Variants in NLRP5 observed in about 807,000 individuals in gnomAD.
The protein encoded by NLRP5 is NACHT, LRR and PYD domains-containing protein 5.
Under a neutral mutation model 113.1 loss-of-function variants are expected in NLRP5, and 93 were observed. The ratio of observed to expected loss-of-function variants is 0.82; its 90% CI spans 0.70 to 0.98. The LOEUF (loss-of-function observed/expected upper bound fraction) is 0.98. Ranked by LOEUF, NLRP5 falls within the 50% of genes least tolerant of loss-of-function variation. The probability of loss-of-function intolerance (pLI) is 0.00; values close to 1 mark genes in which losing one functional copy is unlikely to be tolerated. For missense variants in NLRP5, 1,808 were observed against 1,514.3 expected, an observed-to-expected ratio of 1.19 and a Z score of -3.22; for synonymous variants, 751 against 600.7, an observed-to-expected ratio of 1.25 and a Z score of -3.66.
chr19:56,052,357 C>T (rs1385898514), intron 12 of NLRP5, among the ~76,000 whole-genome samples: 1 of 152,144 alleles, frequency 6.6e-6, no homozygotes, highest in Non-Finnish European at 1.5e-5. Context: ...CAACCTCCAC[C>T]TCCTGGGTTC....
At chr19:56,043,542 C>CCTTTTTTTTT (rs1983599289) in intron 11 of NLRP5, among the ~76,000 whole-genome samples, 2 of 92,920 alleles carry the variant, frequency 2.2e-5, no homozygotes, top group East Asian at 4.8e-4. Context: ...CTCTGCTATT[C>CCTTTTTTTTT]TTTTTTTTTT....
At chr19:56,008,335 C>G (rs1250524809) in intron 2 of NLRP5, among the ~76,000 whole-genome samples, 1 of 152,002 alleles carries the variant, frequency 6.6e-6, no homozygotes, top group Non-Finnish European at 1.5e-5. Context: ...CATGGCCTCA[C>G]CCCATGGAAG....
At chr19:56,041,541 C>T (rs1364073659) in intron 11 of NLRP5, among the ~76,000 whole-genome samples, 1 of 152,210 alleles carries the variant, frequency 6.6e-6, no homozygotes, top group Non-Finnish European at 1.5e-5. Context: ...ACCAACGGCA[C>T]CGTGACTCGT....
Position 56,061,375 on chromosome 19 carries a change from G to A in NLRP5, c.3471-21G>A. On this transcript the variant is annotated intron_variant, in intron 14 of 14. Coordinates refer to ENST00000390649, the MANE Select transcript of NLRP5 (RefSeq NM_153447.4). ...GTCGAAAGCAACATCTCAGTAACGAGTCCTCTCTCTGCCTCCCCAGGCTGT... is the reference window on the plus strand; with the variant it reads ...GTCGAAAGCAACATCTCAGTAACGAATCCTCTCTCTGCCTCCCCAGGCTGT... 1.9e-6 allele frequency: 3 copies of A among 1,611,646 alleles called. No homozygotes were observed. The African/African-American group carries it at 4.0e-5, about 21-fold the overall frequency.
rs1229525051 is a variant in NLRP5 at position 56,030,713 on chromosome 19, TC to T, written c.2277-1897del. The stretch of plus-strand genomic sequence containing the variant: ...TACTTACATTCATTCGCTTTCTTCT[TC>T]TTTTTTTTTTTTTTTTTTGAGACGG... On this transcript the variant is annotated intron_variant, in intron 7 of 14. Coordinates refer to ENST00000390649, the MANE Select transcript of NLRP5 (RefSeq NM_153447.4). Among the ~76,000 whole-genome samples the T allele has an allele frequency of 3.0e-4, 25 of 82,810 alleles. 1 individual carries two copies. The East Asian group carries it at 5.5e-3, about 18-fold the overall frequency. 54.3% of individuals were successfully genotyped at this position (82,810 alleles called of 152,430 possible).
rs987245461 is a variant in NLRP5 at position 56,029,359 on chromosome 19, C to T, written c.2276+850C>T. 7.9e-5 allele frequency among the ~76,000 whole-genome samples: 12 copies of T among 152,092 alleles called. No individual in the cohort carries two copies. The East Asian group carries it at 1.5e-3, about 20-fold the overall frequency. On this transcript the variant is annotated intron_variant, in intron 7 of 14. Coordinates refer to ENST00000390649, the MANE Select transcript of NLRP5 (RefSeq NM_153447.4). The stretch of plus-strand genomic sequence containing the variant: ...TTTGCTCACTGCAATCTCTGCCTCC[C>T]GGGTTCAAGCGATTCTCCTGACTCA...
intron 11 of NLRP5, 114 bp from the exon 12 acceptor site, chr19:56,050,304 A>G (rs1392269425): frequency 6.2e-6 from 6 of 960,672 alleles, no homozygotes; most frequent in Non-Finnish European, 7.6e-6. Context: ...AAAAACAAAT[A>G]TGACCCCACC....
chr19:56,014,557 C>A (rs1982333472), intron 3 of NLRP5, among the ~76,000 whole-genome samples: 1 of 151,652 alleles, frequency 6.6e-6, no homozygotes, highest in African/African-American at 2.4e-5. Context: ...TTTGTAGTTA[C>A]AGCTCTTAAA....
intron 1 of NLRP5, among the ~76,000 whole-genome samples, chr19:56,000,245 T>A (rs57839534): frequency 6.6e-6 from 1 of 152,234 alleles, no homozygotes; most frequent in Non-Finnish European, 1.5e-5. Flanking sequence ...ATGACAATTG[T>A]CCAGGGACTG....
At chr19:56,036,442 TAAATG>T (rs1419005055) in intron 9 of NLRP5, among the ~76,000 whole-genome samples, 2 of 152,158 alleles carry the variant, frequency 1.3e-5, no homozygotes, top group African/African-American at 2.4e-5. Flanking sequence ...GACATGCTGA[TAAATG>T]AAACGAGATT....
At chr19:55,995,288 A>G (rs1190521903), upstream of NLRP5, among the ~76,000 whole-genome samples, 1 of 152,184 alleles carries the variant, frequency 6.6e-6, no homozygotes, top group African/African-American at 2.4e-5. Context: ...CAGCAAACCA[A>G]CATGGCACAT....
At chr19:56,052,365 T>C (rs1460228936) in intron 12 of NLRP5, among the ~76,000 whole-genome samples, 1 of 152,060 alleles carries the variant, frequency 6.6e-6, no homozygotes, top group Non-Finnish European at 1.5e-5. Flanking sequence ...ACCTCCTGGG[T>C]TCAAGCAATT....
chr19:56,032,816 C>T (rs1313678218), intron 8 of NLRP5, 35 bp downstream of exon 8: 2 of 1,569,786 alleles, frequency 1.3e-6, no homozygotes, highest in African/African-American at 2.7e-5. Context: ...AGAATCCCTT[C>T]CCATGACGCT....
chr19:56,045,054 A>C (rs1180329886), intron 11 of NLRP5, among the ~76,000 whole-genome samples: 1 of 152,218 alleles, frequency 6.6e-6, no homozygotes, highest in African/African-American at 2.4e-5. Flanking sequence ...ATTTGTGTAC[A>C]TTAATCTTGT....
chr19:56,031,300 C>T (rs1012895682), intron 7 of NLRP5, among the ~76,000 whole-genome samples: 10 of 152,150 alleles, frequency 6.6e-5, no homozygotes, highest in African/African-American at 2.4e-4. Flanking sequence ...CGGCAGCCTC[C>T]ACTCTACTTT....
the NLRP5 span, among the ~76,000 whole-genome samples, chr19:55,994,039 C>G: frequency 6.6e-6 from 1 of 152,104 alleles, no homozygotes; most frequent in Non-Finnish European, 1.5e-5. Context: ...CTTTGAGACA[C>G]TGCTACACTG....
At position 56,027,459 on chromosome 19, in the gene NLRP5, T is replaced by C; in HGVS notation, c.1226T>C (p.Val409Ala). Residue 409 changes from valine to alanine, a missense_variant, in exon 7 of 15, where the codon GTC (valine) becomes GCC (alanine). Val to Ala is a moderately conservative substitution (Grantham distance 64). Transcript: ENST00000390649. Reference sequence around the variant, plus strand: ...CCTGAGTCCTTCCTGATCGTCACCGTCAGAGACGTGGGCACAGAGAAGCTC... The same window carrying C: ...CCTGAGTCCTTCCTGATCGTCACCGCCAGAGACGTGGGCACAGAGAAGCTC... 6.2e-7 allele frequency: 1 copy of C among 1,613,820 alleles called. No individual in the cohort carries two copies. Among genetic ancestry groups the C allele is most frequent in the Non-Finnish European group, 8.5e-7 (1 of 1,179,838 alleles).
At position 56,058,328 on chromosome 19, in the gene NLRP5, G is replaced by T. The variant is rs1424881956; in HGVS notation, c.3388G>T (p.Val1130Leu). 1 of 1,613,880 alleles carries T rather than the reference G, an allele frequency of 6.2e-7. No individual in the cohort carries two copies. Among genetic ancestry groups the T allele is most frequent in the Non-Finnish European group, 8.5e-7 (1 of 1,179,898 alleles). ...CCGGCATCTGACCAGTCTAAACCTG[G>T]TGCAGAATAACTTCAGTCCCAAAGG... The change falls in exon 14 of 15, where the codon GTG (valine) becomes TTG (leucine). Residue 1130 changes from valine to leucine, a missense_variant. Val to Leu is a conservative substitution (Grantham distance 32). Transcript: ENST00000390649.
intron 7 of NLRP5, 132 bp from the exon 8 acceptor site, chr19:56,032,479 A>T: frequency 1.5e-6 from 1 of 655,268 alleles, no homozygotes; most frequent in Non-Finnish European, 2.5e-6. Flanking sequence ...GCAGCCGCTA[A>T]GTTGCCTCAG....
Sources: allele counts gnomAD v4.1 joint callset (sites outside exome capture counted in the v4.1 genomes callset), GRCh38; gene constraint gnomAD v4.1.1; transcripts MANE v1.5; gene names NCBI Gene and HGNC (gene_info 2026-07-23, HGNC 2026-07-21).